MGRN1: variants seen among roughly 807,000 people sequenced by gnomAD.
MGRN1 encodes mahogunin ring finger 1.
Under a neutral mutation model 69.2 loss-of-function variants are expected in MGRN1, and 29 were observed. That is an observed-to-expected ratio of 0.42 (90% CI 0.31 to 0.57). The LOEUF (loss-of-function observed/expected upper bound fraction) is 0.57, where lower values mean the gene tolerates loss of function less well. MGRN1 is among the 20% of genes least tolerant of loss of function. The pLI is 0.15. For synonymous variants in MGRN1, 470 were observed against 344.2 expected (o/e 1.37, Z -4.04); for missense variants, 998 against 796.2 (o/e 1.25, Z -3.05).
intron 10 of MGRN1, among the ~76,000 whole-genome samples, chr16:4,674,353 G>T (rs12599757): frequency 2.6e-5 from 4 of 151,420 alleles, no homozygotes; most frequent in Admixed American, 6.6e-5. Context: ...CAGTGTTGCA[G>T]TCTCGGCTCA....
Position 4,680,059 on chromosome 16 carries a change from C to T in MGRN1, c.1093C>T (p.Pro365Ser). 6.2e-7 allele frequency: 1 copy of T among 1,614,102 alleles called. No homozygotes were observed. Among genetic ancestry groups the T allele is most frequent in the Non-Finnish European group, 8.5e-7 (1 of 1,179,982 alleles). The change falls in exon 12 of 17, where the codon CCC becomes TCC. Residue 365 changes from proline to serine, a missense_variant. Physicochemically the swap from Pro to Ser is moderately conservative, Grantham distance 74. Coordinates refer to ENST00000262370, the MANE Select transcript of MGRN1 (RefSeq NM_015246.4). Reference protein sequence around the residue: ...SCPFKKSKPHPASLASKKPKR... With the variant: ...SCPFKKSKPHSASLASKKPKR... ...TCCCTTTAAAAAATCAAAGCCGCAC[C>T]CCGCCTCCCTGGCCAGCAAGAAACC...
chr16:4,632,550 C>G (rs978076408), intron 1 of MGRN1, among the ~76,000 whole-genome samples: 4 of 152,124 alleles, frequency 2.6e-5, no homozygotes, highest in African/African-American at 4.8e-5. Flanking sequence ...CCCGCCACTA[C>G]GTCTGGCTAA....
At chr16:4,630,068 AAG>A in intron 1 of MGRN1, among the ~76,000 whole-genome samples, 1 of 146,610 alleles carries the variant, frequency 6.8e-6, no homozygotes, top group Non-Finnish European at 1.5e-5. Context: ...AAAAAAAAAA[AAG>A]CGCAGGTGCA....
In MGRN1 at chr16:4,689,123, T is replaced by C. The variant is rs565123764; in HGVS notation, c.*215T>C. 1 of 605,690 alleles carries C rather than the reference T, an allele frequency of 1.7e-6. No individual in the cohort carries two copies. The highest frequency in any genetic ancestry group is 2.6e-6 in the Non-Finnish European group (1 of 382,710). The allele number at this position is 605,690 out of a possible 1,614,324, so 37.5% of individuals were successfully genotyped here. Reference sequence around the variant, plus strand: ...TGATATATTTGTAACTGGTACAAGATGAAGGACAGCAGCTTTCCATCCCTA... The same window carrying C: ...TGATATATTTGTAACTGGTACAAGACGAAGGACAGCAGCTTTCCATCCCTA... On this transcript the variant is annotated 3_prime_UTR_variant, in exon 17 of 17. Transcript: ENST00000262370.
At chr16:4,680,955 C>A (rs1019350700) in intron 12 of MGRN1, among the ~76,000 whole-genome samples, 2 of 152,262 alleles carry the variant, frequency 1.3e-5, no homozygotes, top group Non-Finnish European at 1.5e-5. Context: ...AGAGCAGGGG[C>A]CCCCGCAGTC....
chr16:4,684,631 G>A (rs574839067), intron 16 of MGRN1, among the ~76,000 whole-genome samples: 1 of 152,358 alleles, frequency 6.6e-6, no homozygotes, highest in African/African-American at 2.4e-5. Context: ...GGAGGCTCGG[G>A]CCCCAGACCC....
chr16:4,682,739 C>A, intron 13 of MGRN1, 84 bp from the exon 14 acceptor site: 2 of 1,408,546 alleles, frequency 1.4e-6, no homozygotes. Context: ...GCAGGGGCCC[C>A]CAGGTGCCCT....
At chr16:4,647,950 C>T (rs1331607909) in intron 1 of MGRN1, among the ~76,000 whole-genome samples, 4 of 152,084 alleles carry the variant, frequency 2.6e-5, no homozygotes, top group Non-Finnish European at 5.9e-5. Context: ...TGGGGCCCGG[C>T]TGGTCTTGGT....
chr16:4,659,122 G>C (rs2078618477), intron 5 of MGRN1: 1 of 151,962 alleles, frequency 6.6e-6, no homozygotes, highest in Non-Finnish European at 1.5e-5. Context: ...CTGCAGTCCA[G>C]TCTGAGCCAC....
At chr16:4,660,819 T>C (rs2078660748) in intron 5 of MGRN1, among the ~76,000 whole-genome samples, 1 of 152,050 alleles carries the variant, frequency 6.6e-6, no homozygotes, top group South Asian at 2.1e-4. Flanking sequence ...GGGCCTACAG[T>C]CCCAGCATGA....
chr16:4,660,751 C>CCTGGGA (rs1428119700), intron 5 of MGRN1, among the ~76,000 whole-genome samples: 1 of 150,600 alleles, frequency 6.6e-6, no homozygotes, highest in Non-Finnish European at 1.5e-5. Flanking sequence ...GCCAGGCAAC[C>CCTGGGA]CTGGGACGAT....
rs538957218 is a variant in MGRN1 at position 4,654,798 on chromosome 16, G to A, written c.443+1974G>A. The stretch of plus-strand genomic sequence containing the variant: ...GGGCTGGTGGAGACGACTTATGTGG[G>A]GAGGTTCTTAGGGACCTGCCACCAG... On this transcript the variant is annotated intron_variant, in intron 4 of 16. Coordinates refer to ENST00000262370, the MANE Select transcript of MGRN1 (RefSeq NM_015246.4). Among the ~76,000 whole-genome samples the A allele has an allele frequency of 2.7e-4, 41 of 152,330 alleles. No individual in the cohort carries two copies. In the South Asian group the frequency reaches 8.3e-3, roughly 31 times the overall value.
At chr16:4,647,703 G>T (rs1310960286) in intron 1 of MGRN1, among the ~76,000 whole-genome samples, 1 of 152,166 alleles carries the variant, frequency 6.6e-6, no homozygotes, top group Admixed American at 6.5e-5. Flanking sequence ...GGTATGTCTG[G>T]ATCAGCTTGG....
At chr16:4,640,363 T>C (rs2078131485) in intron 1 of MGRN1, 1 of 152,242 alleles carries the variant, frequency 6.6e-6, no homozygotes, top group African/African-American at 2.4e-5. Flanking sequence ...GTGGAGAGCA[T>C]TGAGGCTGTT....
intron 7 of MGRN1, among the ~76,000 whole-genome samples, chr16:4,667,015 A>C (rs2078820179): frequency 6.6e-6 from 1 of 152,068 alleles, no homozygotes; most frequent in South Asian, 2.1e-4. Context: ...CCCCGCCCCC[A>C]GTGTGCACTG....
At chr16:4,686,207 G>A (rs953934815) in intron 16 of MGRN1, 2 of 1,535,776 alleles carry the variant, frequency 1.3e-6, no homozygotes, top group South Asian at 1.2e-5. Context: ...TGTGCTGGCT[G>A]CTGCGCGCTT....
At chr16:4,678,752 A>T (rs1476664731) in intron 11 of MGRN1, among the ~76,000 whole-genome samples, 2 of 151,922 alleles carry the variant, frequency 1.3e-5, no homozygotes, top group African/African-American at 4.9e-5. Flanking sequence ...TGTGGCTGTT[A>T]TGAGCCGTTG....
chr16:4,664,518 CTGTTT>C, intron 5 of MGRN1, 186 bp from the exon 6 acceptor site: 1 of 609,156 alleles, frequency 1.6e-6, no homozygotes, highest in African/African-American at 1.8e-5. Flanking sequence ...TGTGTTGTAT[CTGTTT>C]TAACACACAC....
chr16:4,634,439 G>C (rs1198704913), intron 1 of MGRN1: 1 of 152,770 alleles, frequency 6.5e-6, no homozygotes, highest in South Asian at 2.1e-4. Context: ...CTTTCCCCGC[G>C]CCCTTCCGCT....
Sources: gnomAD v4.1 joint callset for allele counts (sites outside exome capture counted in the v4.1 genomes callset) on GRCh38, gnomAD v4.1.1 for gene constraint, MANE v1.5 for transcripts, NCBI Gene and HGNC (gene_info 2026-07-23, HGNC 2026-07-21) for gene names.